Variants in PRKDC observed in about 807,000 individuals in gnomAD.
PRKDC encodes the protein DNA-dependent protein kinase catalytic subunit.
A neutral mutation model predicts 486.9 loss-of-function variants in PRKDC; 82 were observed. The ratio of observed to expected loss-of-function variants is 0.17; its 90% CI spans 0.14 to 0.20. The LOEUF is 0.20. Among genes scored for constraint, PRKDC ranks in the 10% least tolerant of loss-of-function variants. The pLI, the probability that PRKDC is intolerant of heterozygous loss-of-function variation, is 1.00. For missense variants in PRKDC, 4,504 were observed against 5,038.2 expected (o/e 0.89, Z 3.21); for synonymous variants, 1,895 against 1,837.0 (o/e 1.03, Z -0.81).
Position 47,921,219 on chromosome 8 carries a change from C to A in PRKDC, c.2420-2836G>T, listed in dbSNP as rs978752920. ...GCAGTGAGCCAAGATCACGCCACTG[C>A]GCTCCAGCCTGGGCGACAGAGCGAG... On this transcript the variant is annotated intron_variant, in intron 21 of 85. Coordinates refer to ENST00000314191, the MANE Select transcript of PRKDC (RefSeq NM_006904.7). 2.6e-5 allele frequency among the ~76,000 whole-genome samples: 4 copies of A among 151,454 alleles called. No homozygotes were observed. The East Asian group carries it at 7.7e-4, about 29-fold the overall frequency.
intron 68 of PRKDC, among the ~76,000 whole-genome samples, chr8:47,816,403 AAG>A (rs2087447377): frequency 6.6e-6 from 1 of 152,168 alleles, no homozygotes; most frequent in South Asian, 2.1e-4. Flanking sequence ...GGGGACTAAA[AAG>A]ACACATCAGA....
intron 73 of PRKDC, among the ~76,000 whole-genome samples, chr8:47,795,069 T>C (rs1364126909): frequency 6.6e-6 from 1 of 151,968 alleles, no homozygotes; most frequent in Non-Finnish European, 1.5e-5. Flanking sequence ...GTATTTTTAG[T>C]AGAGATGGGG....
In PRKDC at chr8:47,783,743, C is replaced by T. The variant is rs546491566; in HGVS notation, c.11174G>A (p.Arg3725Gln). 24 of 1,613,816 alleles carry T rather than the reference C, an allele frequency of 1.5e-5. No individual in the cohort carries two copies. The highest frequency in any genetic ancestry group is 4.4e-5 in the South Asian group (4 of 91,086). The part of the protein sequence containing the change: ...YHVRIAGFDE[R>Q]VTVMASLRRP... ...TGGGTCACACACCCTCACACCTACC[C>T]GCTCATCAAACCCGGCGATTCGCAC... The change falls in exon 78 of 86, where the codon CGG (arginine) becomes CAG (glutamine). Residue 3725 changes from arginine (R) to glutamine (Q), a missense_variant and splice_region_variant. Physicochemically the swap from Arg to Gln is conservative, Grantham distance 43 (BLOSUM62 1). Around this residue, in one of 6 missense-constraint regions of PRKDC, gnomAD observed 706 missense variants for 945.0 expected, o/e 0.75. Coordinates refer to ENST00000314191, the MANE Select transcript of PRKDC (RefSeq NM_006904.7).
At chr8:47,839,961 A>G in intron 55 of PRKDC, 55 bp downstream of exon 55, 6 of 1,405,164 alleles carry the variant, frequency 4.3e-6, no homozygotes, top group Non-Finnish European at 5.8e-6. Context: ...TCGTCGACAG[A>G]GCAAGACCTT....
intron 31 of PRKDC, among the ~76,000 whole-genome samples, chr8:47,891,294 T>C (rs2089450084): frequency 6.6e-6 from 1 of 152,180 alleles, no homozygotes; most frequent in South Asian, 2.1e-4. Flanking sequence ...TTTTTGTAAG[T>C]CTCATGGTTT....
At chr8:47,935,619 A>C in intron 13 of PRKDC, 113 bp downstream of exon 13, 1 of 1,256,908 alleles carries the variant, frequency 8.0e-7, no homozygotes, top group South Asian at 2.0e-5. Context: ...TTAGGAGTTC[A>C]AAAGTTGTGT....
intron 68 of PRKDC, among the ~76,000 whole-genome samples, chr8:47,811,314 T>C (rs1379779338): frequency 6.6e-6 from 1 of 152,194 alleles, no homozygotes; most frequent in Non-Finnish European, 1.5e-5. Context: ...TCTGAGAAAG[T>C]GTCCTTCAGG....
Position 47,852,728 on chromosome 8 carries a change from G to T in PRKDC, c.6950C>A (p.Ala2317Asp). 6.3e-7 allele frequency: 1 copy of T among 1,580,880 alleles called. No individual in the cohort carries two copies. The change falls in exon 52 of 86, where the codon GCC becomes GAC. Residue 2317 changes from alanine (A) to aspartate (D), a missense_variant. Coordinates refer to ENST00000314191, the MANE Select transcript of PRKDC (RefSeq NM_006904.7). ...AAGTCCTAGAACTTCTGCTGCAGCG[G>T]CATACACTTCTTTATATCTTACAAA... ...MSFVRYKEVY[A>D]AAAEVLGLIL...
intron 74 of PRKDC, among the ~76,000 whole-genome samples, chr8:47,793,642 A>C (rs1449581530): frequency 1.3e-5 from 2 of 149,942 alleles, no homozygotes; most frequent in South Asian, 2.1e-4. Context: ...AAAAATAAAA[A>C]ATAAAGAAAT....
chr8:47,797,259 C>G (rs983244494), intron 73 of PRKDC, among the ~76,000 whole-genome samples: 1 of 152,142 alleles, frequency 6.6e-6, no homozygotes, highest in Non-Finnish European at 1.5e-5. Flanking sequence ...CTCACAAATT[C>G]AAATGCTGTT....
At chr8:47,950,167 G>A (rs1469164453) in intron 7 of PRKDC, among the ~76,000 whole-genome samples, 1 of 151,990 alleles carries the variant, frequency 6.6e-6, no homozygotes, top group Non-Finnish European at 1.5e-5. Flanking sequence ...AGCTACTCGG[G>A]AGGCTGAGGC....
Position 47,886,044 on chromosome 8 carries a change from A to C in PRKDC, c.4676T>G (p.Phe1559Cys). 1 of 1,613,840 alleles carries C rather than the reference A, an allele frequency of 6.2e-7. No homozygotes were observed. Among genetic ancestry groups the C allele is most frequent in the Non-Finnish European group, 8.5e-7 (1 of 1,179,902 alleles). Residue 1559 changes from phenylalanine (F) to cysteine (C), a missense_variant, in exon 36 of 86, where the codon TTC becomes TGC. Phe to Cys is a radical substitution (Grantham distance 205). This residue lies in a region of PRKDC where 1,969 missense variants were observed against 2,068.9 expected (regional missense o/e 0.95). Coordinates refer to ENST00000314191, the MANE Select transcript of PRKDC (RefSeq NM_006904.7). The stretch of plus-strand genomic sequence containing the variant: ...GATCGTTTCTGAGAACAAGCTATAG[A>C]AATACTCCCCATGGGAGAAGTGGAT... The part of the protein sequence containing the change: ...SVIHFSHGEY[F>C]YSLFSETINT...
At chr8:47,832,682 T>C (rs1185098611) in intron 59 of PRKDC, among the ~76,000 whole-genome samples, 1 of 152,108 alleles carries the variant, frequency 6.6e-6, no homozygotes, top group Non-Finnish European at 1.5e-5. Flanking sequence ...AGGTGAGATA[T>C]CTAAGCACTA....
rs546443667 is a variant in PRKDC, at chr8:47,821,885, A to G, written c.8923-93T>C. ...AGGAGGAATGTAACAATCACACTAA[A>G]AACAATCCTTTTCAGATTTACGGAA... is the stretch of plus-strand genomic sequence containing the variant. On this transcript the variant is annotated intron_variant, in intron 64 of 85. Transcript: ENST00000314191. 92 of 1,116,368 alleles carry G rather than the reference A, an allele frequency of 8.2e-5. 1 individual carries two copies. The highest frequency in any genetic ancestry group is 7.4e-4 in the African/African-American group (46 of 62,146). The allele number at this position is 1,116,368 out of a possible 1,614,324, so 69.2% of individuals were successfully genotyped here.
In PRKDC at chr8:47,773,907, TCTTGA is replaced by T. The variant is rs926847071; in HGVS notation, c.*261_*265del. ...TTTGAAAGCTGATCACATATTATAT[TCTTGA>T]CTTAATACTTTGGTAAGCCTGGATA... On this transcript the variant is annotated 3_prime_UTR_variant, in exon 86 of 86. Transcript: ENST00000314191. The T allele has an allele frequency of 1.4e-5, 5 of 364,042 alleles. No individual in the cohort carries two copies. The highest frequency in any genetic ancestry group is 4.1e-5 in the African/African-American group (2 of 48,970). The allele number at this position is 364,042 out of a possible 1,614,324, so 22.6% of individuals were successfully genotyped here.
At chr8:47,802,275 A>AAGAGTGCT (rs1467698868) in intron 70 of PRKDC, among the ~76,000 whole-genome samples, 1 of 152,010 alleles carries the variant, frequency 6.6e-6, no homozygotes. Flanking sequence ...TCAGTGTACA[A>AAGAGTGCT]AGAGTGCTTC....
At chr8:47,800,716 TTA>T (rs1438806836) in intron 71 of PRKDC, 75 bp downstream of exon 71, 1 of 1,303,000 alleles carries the variant, frequency 7.7e-7, no homozygotes, top group Non-Finnish European at 1.0e-6. Context: ...ATCCTTATTA[TTA>T]CTTTCCTGTA....
At chr8:47,911,285 C>A (rs2089898177) in intron 25 of PRKDC, among the ~76,000 whole-genome samples, 1 of 152,240 alleles carries the variant, frequency 6.6e-6, no homozygotes, top group African/African-American at 2.4e-5. Context: ...CTCCCAGAAA[C>A]AGGCCATGCT....
At chr8:47,883,383 A>ATT (rs1165981005) in intron 36 of PRKDC, among the ~76,000 whole-genome samples, 3 of 152,154 alleles carry the variant, frequency 2.0e-5, no homozygotes, top group Non-Finnish European at 4.4e-5. Context: ...ATTCTCAAGA[A>ATT]ATGTGCTCCA....
Sources: allele counts gnomAD v4.1 joint callset (sites outside exome capture counted in the v4.1 genomes callset), GRCh38; gene constraint gnomAD v4.1.1; regional missense constraint gnomAD v4.1.1; transcripts MANE v1.5; gene names NCBI Gene and HGNC (gene_info 2026-07-23, HGNC 2026-07-21).